MSRA: variants seen among roughly 807,000 people sequenced by gnomAD.
MSRA encodes the protein methionine sulfoxide reductase A.
A neutral mutation model predicts 31.3 loss-of-function variants in MSRA; 54 were observed. The ratio of observed to expected loss-of-function variants is 1.73; its 90% confidence interval spans 1.39 to 2.17. MSRA has a LOEUF of 2.17. MSRA is among the 30% of genes most tolerant of loss of function. The pLI, the probability that MSRA is intolerant of heterozygous loss-of-function variation, is 0.00. For missense variants in MSRA, 507 were observed against 300.9 expected, an observed-to-expected ratio of 1.69 and a Z score of -5.07; for synonymous variants, 169 against 116.5, an observed-to-expected ratio of 1.45 and a Z score of -2.90.
chr8:10,276,858 C>T (rs566891231), intron 3 of MSRA, among the ~76,000 whole-genome samples: 3 of 152,294 alleles, frequency 2.0e-5, no homozygotes, highest in South Asian at 4.1e-4. Flanking sequence ...TATGATTTAT[C>T]GTTCCCTTTA....
intron 5 of MSRA, among the ~76,000 whole-genome samples, chr8:10,321,365 AGT>A (rs923324158): frequency 3.2e-4 from 48 of 152,092 alleles, no homozygotes; most frequent in African/African-American, 1.1e-3. Context: ...CTGTAACTAG[AGT>A]GTCCACTGGT....
chr8:10,303,299 C>T (rs1161084508), intron 4 of MSRA, among the ~76,000 whole-genome samples: 6 of 152,112 alleles, frequency 3.9e-5, no homozygotes, highest in Admixed American at 1.3e-4. Context: ...CTCTCCATAC[C>T]GCTCTTAAAT....
intron 3 of MSRA, among the ~76,000 whole-genome samples, chr8:10,273,198 A>T (rs974776502): frequency 6.6e-6 from 1 of 152,244 alleles, no homozygotes; most frequent in Non-Finnish European, 1.5e-5. Flanking sequence ...ATCTGTTAGC[A>T]TTTAAGTCGA....
At chr8:10,121,632 G>A (rs184171690) in intron 1 of MSRA, among the ~76,000 whole-genome samples, 11 of 152,110 alleles carry the variant, frequency 7.2e-5, no homozygotes, top group African/African-American at 2.7e-4. Context: ...AAAGAAGAGA[G>A]GCACCTGCTA....
In MSRA at chr8:10,356,889, TAAA is replaced by T. The variant is rs869099944; in HGVS notation, c.543+36919_543+36921del. Among the ~76,000 whole-genome samples the T allele has an allele frequency of 1.3e-4, 14 of 105,118 alleles. No individual in the cohort carries two copies. The South Asian group carries it at 2.9e-3, about 22-fold the overall frequency. The allele number at this position is 105,118 out of a possible 152,430, so 69.0% of individuals were successfully genotyped here. ...GCTGCTGTTTTTGAGCCTTGCCCATTAAAAAAAAAAAAAAAAAAAAATATATGT... is the reference window on the plus strand; with the variant it reads ...GCTGCTGTTTTTGAGCCTTGCCCATTAAAAAAAAAAAAAAAAAATATATGT... On this transcript the variant is annotated intron_variant, in intron 5 of 5. Transcript: ENST00000317173.
At chr8:10,380,629 A>AT (rs1168213010) in intron 5 of MSRA, among the ~76,000 whole-genome samples, 1 of 152,176 alleles carries the variant, frequency 6.6e-6, no homozygotes, top group East Asian at 1.9e-4. Context: ...ACTGAGGGCC[A>AT]TTTTTTCATC....
At chr8:10,189,413 G>C (rs1442342317) in intron 1 of MSRA, among the ~76,000 whole-genome samples, 1 of 152,110 alleles carries the variant, frequency 6.6e-6, no homozygotes, top group Non-Finnish European at 1.5e-5. Context: ...GTAAACCCTA[G>C]CTTCATTCCT....
chr8:10,074,671 T>C (rs1436716261), intron 1 of MSRA, among the ~76,000 whole-genome samples: 1 of 151,986 alleles, frequency 6.6e-6, no homozygotes, highest in African/African-American at 2.4e-5. Context: ...TTTTCTTTTC[T>C]TTTTTTTGAC....
At chr8:10,289,832 T>C (rs1380182324) in intron 3 of MSRA, among the ~76,000 whole-genome samples, 4 of 152,202 alleles carry the variant, frequency 2.6e-5, no homozygotes, top group Non-Finnish European at 1.5e-5. Flanking sequence ...GTTCTGTTTG[T>C]ACTAACATAG....
intron 3 of MSRA, among the ~76,000 whole-genome samples, chr8:10,246,802 A>C (rs1563265042): frequency 6.6e-6 from 1 of 152,236 alleles, no homozygotes; most frequent in African/African-American, 2.4e-5. Flanking sequence ...GTAACAAACA[A>C]ATATTTTAAT....
chr8:10,256,130 C>A (rs1010456616), intron 3 of MSRA, among the ~76,000 whole-genome samples: 29 of 152,108 alleles, frequency 1.9e-4, no homozygotes, highest in African/African-American at 7.0e-4. Flanking sequence ...CCTATTCAGC[C>A]CATCCTCCCC....
intron 3 of MSRA, among the ~76,000 whole-genome samples, chr8:10,267,995 A>G (rs150971101): frequency 6.6e-6 from 1 of 152,174 alleles, no homozygotes; most frequent in African/African-American, 2.4e-5. Context: ...CCCTCATTGC[A>G]TGTCCTGCGT....
intron 5 of MSRA, among the ~76,000 whole-genome samples, chr8:10,328,068 C>T (rs545436450): frequency 3.4e-5 from 4 of 116,010 alleles, no homozygotes; most frequent in Admixed American, 3.2e-4. Context: ...CAGTGACACT[C>T]TGAGTGTAAA....
At chr8:10,276,884 A>G (rs1187311413) in intron 3 of MSRA, among the ~76,000 whole-genome samples, 2 of 152,158 alleles carry the variant, frequency 1.3e-5, no homozygotes, top group Non-Finnish European at 1.5e-5. Context: ...TAAAGAAAGG[A>G]TCTTTTTTTC....
chr8:10,125,384 C>T (rs1357099429), intron 1 of MSRA, among the ~76,000 whole-genome samples: 1 of 152,070 alleles, frequency 6.6e-6, no homozygotes. Context: ...TTGACCCAAG[C>T]CTGGAAGGAG....
chr8:10,211,796 C>A (rs1299407880), intron 2 of MSRA, among the ~76,000 whole-genome samples: 1 of 152,098 alleles, frequency 6.6e-6, no homozygotes, highest in African/African-American at 2.4e-5. Context: ...AAGTGACATT[C>A]CGTTGGCCAC....
chr8:10,396,079 C>T (rs1234388351), intron 5 of MSRA, among the ~76,000 whole-genome samples: 4 of 152,194 alleles, frequency 2.6e-5, no homozygotes, highest in Admixed American at 6.5e-5. Flanking sequence ...CCCTTAGAGG[C>T]ACCTTTTCAT....
At chr8:10,153,518 CT>C (rs35883591) in intron 1 of MSRA, among the ~76,000 whole-genome samples, 67,909 of 127,314 alleles carry the variant, frequency 0.53, 15,382 homozygotes, top group East Asian at 0.67. Context: ...TTCTACCTTC[CT>C]TTTTTTTTGC....
At chr8:10,259,106 A>AC (rs1798334043) in intron 3 of MSRA, among the ~76,000 whole-genome samples, 1 of 90,008 alleles carries the variant, frequency 1.1e-5, no homozygotes, top group Admixed American at 1.5e-4. Context: ...CTGTCAAAGG[A>AC]AAAAAAAAAA....
Sources: gnomAD v4.1 joint callset for allele counts (sites outside exome capture counted in the v4.1 genomes callset) on GRCh38, gnomAD v4.1.1 for gene constraint, MANE v1.5 for transcripts, NCBI Gene and HGNC (gene_info 2026-07-23, HGNC 2026-07-21) for gene names.